NEGR1: variants seen among roughly 807,000 people sequenced by gnomAD.
NEGR1 encodes the protein neuronal growth regulator 1.
A neutral mutation model predicts 40.9 loss-of-function variants in NEGR1; 10 were observed. That is an observed-to-expected ratio of 0.24 (90% confidence interval 0.15 to 0.42). The LOEUF is 0.42. Among genes scored for constraint, NEGR1 ranks in the 10% least tolerant of loss-of-function variants. The pLI is 1.00. For synonymous variants in NEGR1, 185 were observed against 166.8 expected, an observed-to-expected ratio of 1.11 and a Z score of -0.84; for missense variants, 352 against 438.9, an observed-to-expected ratio of 0.80 and a Z score of 1.77.
chr1:72,251,401 T>A (rs1201129995), intron 1 of NEGR1, among the ~76,000 whole-genome samples: 1 of 152,168 alleles, frequency 6.6e-6, no homozygotes, highest in Non-Finnish European at 1.5e-5. Context: ...ACAAAGTATT[T>A]CAGAAACAGA....
At chr1:71,828,035 T>G (rs1247658605) in intron 2 of NEGR1, among the ~76,000 whole-genome samples, 1 of 151,942 alleles carries the variant, frequency 6.6e-6, no homozygotes, top group Non-Finnish European at 1.5e-5. Flanking sequence ...AAGAGCAGCA[T>G]TTGCTTTTAA....
rs1315680022 is a variant in NEGR1 at position 71,406,952 on chromosome 1, T to G, written c.*494A>C. The G allele has an allele frequency of 6.6e-6, 1 of 152,550 alleles. No individual in the cohort carries two copies. Among genetic ancestry groups the G allele is most frequent in the African/African-American group, 2.4e-5 (1 of 41,442 alleles). The allele number at this position is 152,550 out of a possible 1,614,324, so 9.4% of individuals were successfully genotyped here. ...AGAAAAATCTAGATATGTGTTATAT[T>G]TTGAAGAAATAATCTGAAGGCAATA... On this transcript the variant is annotated 3_prime_UTR_variant, in exon 7 of 7. Transcript: ENST00000357731.
chr1:71,691,714 C>T (rs1481922254), intron 4 of NEGR1, among the ~76,000 whole-genome samples: 1 of 151,692 alleles, frequency 6.6e-6, no homozygotes, highest in Non-Finnish European at 1.5e-5. Context: ...TCACCTCATC[C>T]GGTCCTGCTT....
At chr1:71,977,083 G>A (rs1180542091) in intron 1 of NEGR1, among the ~76,000 whole-genome samples, 1 of 152,180 alleles carries the variant, frequency 6.6e-6, no homozygotes, top group African/African-American at 2.4e-5. Context: ...AGGACTTCGG[G>A]AGGCCGAGGC....
At chr1:71,716,680 G>A (rs1415762649) in intron 3 of NEGR1, among the ~76,000 whole-genome samples, 3 of 152,092 alleles carry the variant, frequency 2.0e-5, no homozygotes, top group Non-Finnish European at 4.4e-5. Context: ...CAACACATAT[G>A]TCTATTCCTA....
At chr1:71,667,430 G>A (rs564904286) in intron 4 of NEGR1, among the ~76,000 whole-genome samples, 1 of 152,242 alleles carries the variant, frequency 6.6e-6, no homozygotes, top group Admixed American at 6.5e-5. Context: ...GACACCAGAT[G>A]GAAAAATCAG....
intron 6 of NEGR1, among the ~76,000 whole-genome samples, chr1:71,442,412 C>T (rs897810435): frequency 6.6e-6 from 1 of 151,706 alleles, no homozygotes; most frequent in Non-Finnish European, 1.5e-5. Flanking sequence ...GTCAGGAGTT[C>T]GAGACCAGCC....
chr1:71,945,579 C>T (rs1044559248), intron 1 of NEGR1, among the ~76,000 whole-genome samples: 3 of 151,736 alleles, frequency 2.0e-5, no homozygotes, highest in African/African-American at 7.3e-5. Context: ...CATTCATTTA[C>T]TCCCCTTTGA....
intron 4 of NEGR1, among the ~76,000 whole-genome samples, chr1:71,634,390 A>G (rs1651072799): frequency 6.6e-6 from 1 of 152,090 alleles, no homozygotes; most frequent in Non-Finnish European, 1.5e-5. Context: ...GAAGCTTGGC[A>G]GGGACCAGCC....
At chr1:71,878,558 TA>T (rs59649670) in intron 2 of NEGR1, among the ~76,000 whole-genome samples, 1 of 152,244 alleles carries the variant, frequency 6.6e-6, no homozygotes, top group African/African-American at 2.4e-5. Flanking sequence ...TTTTTCATCA[TA>T]AAAATATATA....
chr1:72,044,977 T>C (rs896701519), intron 1 of NEGR1, among the ~76,000 whole-genome samples: 1 of 151,790 alleles, frequency 6.6e-6, no homozygotes, highest in Non-Finnish European at 1.5e-5. Flanking sequence ...TTTGTAGAAT[T>C]ATAGGGCTTT....
In NEGR1 at chr1:71,942,127, T is replaced by C. The variant is rs1027616394; in HGVS notation, c.177-6816A>G. On this transcript the variant is annotated intron_variant, in intron 1 of 6. Transcript: ENST00000357731. ...CAAGTAGCATTGGTTTCTTATTTTG[T>C]TGGAAAAAGAATTCTATTTTCTATG... is the stretch of plus-strand genomic sequence containing the variant. Among the ~76,000 whole-genome samples, 10 of 151,584 alleles carry C rather than the reference T, an allele frequency of 6.6e-5. No individual in the cohort carries two copies. In the East Asian group the frequency reaches 1.2e-3, roughly 18 times the overall value.
chr1:72,233,102 G>A (rs973705653), intron 1 of NEGR1, among the ~76,000 whole-genome samples: 1 of 152,032 alleles, frequency 6.6e-6, no homozygotes, highest in Non-Finnish European at 1.5e-5. Flanking sequence ...CTGAAATACA[G>A]AGAAAGGTAA....
chr1:71,917,296 T>C (rs774745084), intron 2 of NEGR1, among the ~76,000 whole-genome samples: 7 of 152,190 alleles, frequency 4.6e-5, no homozygotes, highest in Non-Finnish European at 8.8e-5. Context: ...AAGTCTGACC[T>C]CTTCATTTAT....
intron 1 of NEGR1, among the ~76,000 whole-genome samples, chr1:72,259,735 A>T (rs761358396): frequency 1.9e-4 from 29 of 152,214 alleles, no homozygotes; most frequent in Non-Finnish European, 3.5e-4. Flanking sequence ...TAGTTAATAG[A>T]TCCTTACAAG....
chr1:71,412,385 T>G (rs2101264297), intron 6 of NEGR1, among the ~76,000 whole-genome samples: 1 of 152,256 alleles, frequency 6.6e-6, no homozygotes, highest in Non-Finnish European at 1.5e-5. Flanking sequence ...CTAAGAAAAA[T>G]TATTAGTCTT....
chr1:72,224,500 C>T (rs2100488344), intron 1 of NEGR1, among the ~76,000 whole-genome samples: 2 of 152,198 alleles, frequency 1.3e-5, no homozygotes, highest in East Asian at 3.9e-4. Flanking sequence ...TTGCTGTTTA[C>T]ACGCAATATT....
At chr1:72,125,095 C>T (rs1649960241) in intron 1 of NEGR1, among the ~76,000 whole-genome samples, 1 of 151,990 alleles carries the variant, frequency 6.6e-6, no homozygotes, top group Admixed American at 6.6e-5. Flanking sequence ...TAAAGAGTGA[C>T]ATCTAGGAAA....
chr1:71,597,954 C>T (rs569983419), intron 5 of NEGR1, among the ~76,000 whole-genome samples: 3 of 152,144 alleles, frequency 2.0e-5, no homozygotes, highest in South Asian at 2.1e-4. Flanking sequence ...AATAATGTTT[C>T]GTGTTACGAG....
Sources: allele counts gnomAD v4.1 joint callset (sites outside exome capture counted in the v4.1 genomes callset), GRCh38; gene constraint gnomAD v4.1.1; transcripts MANE v1.5; gene names NCBI Gene and HGNC (gene_info 2026-07-23, HGNC 2026-07-21).